The following IQCJ variants were observed in gnomAD, a reference collection of about 807,000 sequenced individuals.
IQCJ encodes the protein IQ motif containing J, also known as IQ domain-containing protein J.
In IQCJ, 9 loss-of-function variants were observed where a neutral mutation model predicts 11.0. The ratio of observed to expected loss-of-function variants is 0.82; its 90% confidence interval spans 0.49 to 1.43. The LOEUF (loss-of-function observed/expected upper bound fraction) is 1.43, where lower values mean the gene tolerates loss of function less well. IQCJ is among the 40% of genes most tolerant of loss of function. The pLI is 0.00. For synonymous variants in IQCJ, 55 were observed against 51.3 expected (o/e 1.07, Z -0.31); for missense variants, 146 against 133.2 (o/e 1.10, Z -0.47).
At chr3:159,176,129 C>T (rs567685510) in intron 1 of IQCJ, among the ~76,000 whole-genome samples, 164 of 152,194 alleles carry the variant, frequency 1.1e-3, no homozygotes, top group Non-Finnish European at 1.7e-3. Flanking sequence ...TTTAACCAAA[C>T]TGCTTGTTTT....
At chr3:159,110,521 T>G (rs574001103) in intron 1 of IQCJ, among the ~76,000 whole-genome samples, 11 of 152,098 alleles carry the variant, frequency 7.2e-5, no homozygotes, top group Non-Finnish European at 1.3e-4. Context: ...ACACAATGAT[T>G]TGTTCCTCTT....
At chr3:159,101,361 G>A (rs972892696) in intron 1 of IQCJ, among the ~76,000 whole-genome samples, 2 of 152,074 alleles carry the variant, frequency 1.3e-5, no homozygotes. Flanking sequence ...GTAGACCGGA[G>A]CTGTTCCTAT....
intron 1 of IQCJ, among the ~76,000 whole-genome samples, chr3:159,197,628 T>C (rs942234502): frequency 6.6e-6 from 1 of 152,162 alleles, no homozygotes; most frequent in African/African-American, 2.4e-5. Context: ...AGTCTAGTTA[T>C]ACCTTGCAGA....
At position 159,069,413 on chromosome 3, in the gene IQCJ, G is replaced by C; in HGVS notation, c.-20G>C. Reference sequence around the variant, plus strand: ...CCGATCCAGTCTCCTTTCACCTGCAGGTGTTCCAGAAACTTCAAAATGCGT... The same window carrying C: ...CCGATCCAGTCTCCTTTCACCTGCACGTGTTCCAGAAACTTCAAAATGCGT... On this transcript the variant is annotated 5_prime_UTR_variant, in exon 1 of 4. Transcript: ENST00000397832. 1 of 1,608,488 alleles carries C rather than the reference G, an allele frequency of 6.2e-7. No individual in the cohort carries two copies. The highest frequency in any genetic ancestry group is 8.5e-7 in the Non-Finnish European group (1 of 1,177,760).
chr3:159,168,808 T>TAA lies in IQCJ; in HGVS notation c.10-77026_10-77025dup, dbSNP rs376629812. ...AACAAAACACTTTTAAGCCATATGTTAAAAAAAAAACCCAAAGAACAAAAA... is the reference window on the plus strand; with the variant it reads ...AACAAAACACTTTTAAGCCATATGTTAAAAAAAAAAAACCCAAAGAACAAAAA... On this transcript the variant is annotated intron_variant, in intron 1 of 3. Transcript: ENST00000397832. Among the ~76,000 whole-genome samples, 17 of 147,960 alleles carry TAA rather than the reference T, an allele frequency of 1.1e-4. No homozygotes were observed. The East Asian group carries it at 1.4e-3, about 12-fold the overall frequency.
intron 1 of IQCJ, among the ~76,000 whole-genome samples, chr3:159,137,355 T>G (rs1720353291): frequency 6.6e-6 from 1 of 152,200 alleles, no homozygotes; most frequent in Admixed American, 6.5e-5. Flanking sequence ...ATAAAGCTAT[T>G]CATGTGACCT....
rs369813725 is a variant in IQCJ at position 159,082,350 on chromosome 3, T to G, written c.9+12909T>G. On this transcript the variant is annotated intron_variant, in intron 1 of 3. Coordinates refer to ENST00000397832, the MANE Select transcript of IQCJ (RefSeq NM_001042706.3). ...TTAGTTCCCAAACAACTCTATAAGT[T>G]TTTTTTTTTTGTTAGCCCTATTTTA... 7.8e-4 allele frequency among the ~76,000 whole-genome samples: 113 copies of G among 144,216 alleles called. 1 individual carries two copies. In the South Asian group the frequency reaches 0.012, roughly 15 times the overall value. The allele number at this position is 144,216 out of a possible 152,430, so 94.6% of individuals were successfully genotyped here. A position where few individuals can be genotyped will look rare whatever the true frequency, so the allele number is the denominator to read the frequency against.
At chr3:159,227,015 C>T (rs1725896189) in intron 1 of IQCJ, among the ~76,000 whole-genome samples, 1 of 152,144 alleles carries the variant, frequency 6.6e-6, no homozygotes, top group African/African-American at 2.4e-5. Context: ...AGATTGCTTC[C>T]AGCTAATACC....
chr3:159,141,894 A>G (rs948830954), intron 1 of IQCJ, among the ~76,000 whole-genome samples: 1 of 152,240 alleles, frequency 6.6e-6, no homozygotes, highest in Non-Finnish European at 1.5e-5. Flanking sequence ...ATATTAGAAT[A>G]TCATCCATTG....
chr3:159,167,853 G>C (rs114997822), intron 1 of IQCJ, among the ~76,000 whole-genome samples: 5,933 of 152,284 alleles, frequency 0.039, 378 homozygotes, highest in African/African-American at 0.14. Context: ...TGCTGGCCAT[G>C]ATAGAGGAGG....
chr3:159,240,292 C>A (rs1223203598), intron 1 of IQCJ, among the ~76,000 whole-genome samples: 2 of 152,166 alleles, frequency 1.3e-5, no homozygotes, highest in African/African-American at 4.8e-5. Context: ...TATTAGCTTT[C>A]ACTTACTATG....
At chr3:159,112,095 A>G (rs1454271409) in intron 1 of IQCJ, among the ~76,000 whole-genome samples, 1 of 152,184 alleles carries the variant, frequency 6.6e-6, no homozygotes, top group African/African-American at 2.4e-5. Flanking sequence ...ACTGTATGCC[A>G]TAGGCACTCA....
intron 1 of IQCJ, among the ~76,000 whole-genome samples, chr3:159,165,516 A>G (rs1157762206): frequency 6.6e-6 from 1 of 152,072 alleles, no homozygotes; most frequent in Non-Finnish European, 1.5e-5. Context: ...CTATGTCTGT[A>G]TTTTCAATTA....
At chr3:159,261,935 C>T (rs1449518229) in intron 3 of IQCJ, among the ~76,000 whole-genome samples, 3 of 152,208 alleles carry the variant, frequency 2.0e-5, no homozygotes, top group Non-Finnish European at 1.5e-5. Flanking sequence ...TTCCTATTCC[C>T]TTCCACAGTA....
chr3:159,167,068 G>C (rs1722210621), intron 1 of IQCJ, among the ~76,000 whole-genome samples: 1 of 152,132 alleles, frequency 6.6e-6, no homozygotes, highest in African/African-American at 2.4e-5. Context: ...ACTAAAAATT[G>C]GCAAGGTTTG....
At chr3:159,075,137 A>G (rs923780778) in intron 1 of IQCJ, among the ~76,000 whole-genome samples, 14 of 152,186 alleles carry the variant, frequency 9.2e-5, no homozygotes, top group Non-Finnish European at 1.0e-4. Flanking sequence ...TTGACGCTAA[A>G]TAAGCTTTAG....
chr3:159,119,266 A>G (rs1719207598), intron 1 of IQCJ, among the ~76,000 whole-genome samples: 1 of 152,232 alleles, frequency 6.6e-6, no homozygotes, highest in African/African-American at 2.4e-5. Context: ...CAAAGTGGAC[A>G]TAACTCCTTG....
chr3:159,133,952 A>G (rs1472062265), intron 1 of IQCJ, among the ~76,000 whole-genome samples: 1 of 151,762 alleles, frequency 6.6e-6, no homozygotes, highest in Non-Finnish European at 1.5e-5. Flanking sequence ...GGTATCCACC[A>G]GGCTGTTTTC....
At chr3:159,174,025 G>A (rs115095510) in intron 1 of IQCJ, among the ~76,000 whole-genome samples, 5,958 of 152,060 alleles carry the variant, frequency 0.039, 377 homozygotes, top group African/African-American at 0.14. Flanking sequence ...GAGTTTCTCA[G>A]TTGTAGCTTT....
Sources: gnomAD v4.1 joint callset for allele counts (sites outside exome capture counted in the v4.1 genomes callset) on GRCh38, gnomAD v4.1.1 for gene constraint, MANE v1.5 for transcripts, NCBI Gene and HGNC (gene_info 2026-07-23, HGNC 2026-07-21) for gene names.